Variants in CENPI observed in about 807,000 individuals in gnomAD.
CENPI encodes the protein centromere protein I.
A neutral mutation model predicts 60.4 loss-of-function variants in CENPI; 4 were observed. The observed-to-expected ratio is 0.07, with a 90% confidence interval of 0.03 to 0.15. The LOEUF is 0.15. Among genes scored for constraint, CENPI ranks in the 10% least tolerant of loss-of-function variants. The pLI is 1.00. For synonymous variants in CENPI, 157 were observed against 189.4 expected (o/e 0.83, Z 1.40); for missense variants, 444 against 534.5 (o/e 0.83, Z 1.67).
intron 5 of CENPI, 86 bp from the exon 6 acceptor site, chrX:101,109,805 C>T (rs1286708025): frequency 3.0e-6 from 2 of 659,785 alleles, no homozygotes; most frequent in African/African-American, 2.2e-5. Flanking sequence ...CTAAAATAGC[C>T]CTGGTGGCGG....
chrX:101,125,833 A>G (rs1304212616), intron 8 of CENPI, among the ~76,000 whole-genome samples: 1 of 111,901 alleles, frequency 8.9e-6, no homozygotes, highest in African/African-American at 3.2e-5. Context: ...CAAAAAAGAT[A>G]GTTTTAATTA....
chrX:101,177,137 A>G, the CENPI span, among the ~76,000 whole-genome samples: 1 of 111,538 alleles, frequency 9.0e-6, no homozygotes, highest in African/African-American at 3.3e-5. Flanking sequence ...GGGTGCCAGT[A>G]GTGGCAGTGG....
the CENPI span, among the ~76,000 whole-genome samples, chrX:101,171,715 C>G: frequency 8.9e-6 from 1 of 112,178 alleles, no homozygotes; most frequent in African/African-American, 3.2e-5. Flanking sequence ...GCGTGTGCCA[C>G]TATGCCTGGC....
At chrX:101,168,515 G>T (rs1341193601), downstream of CENPI, among the ~76,000 whole-genome samples, 1 of 111,644 alleles carries the variant, frequency 9.0e-6, no homozygotes, top group Admixed American at 9.6e-5. Context: ...GCAGTGAGCC[G>T]AGATCGCCCA....
intron 12 of CENPI, among the ~76,000 whole-genome samples, chrX:101,129,103 A>G (rs1023301296): frequency 5.4e-5 from 6 of 111,829 alleles, no homozygotes; most frequent in African/African-American, 1.6e-4. Context: ...TCATCTTTGT[A>G]TGTTCAGAAA....
the CENPI span, among the ~76,000 whole-genome samples, chrX:101,171,611 T>G: frequency 7.0e-5 from 7 of 99,657 alleles, no homozygotes; most frequent in African/African-American, 2.5e-4. Flanking sequence ...TAAATGAGTT[T>G]TTGTAGAAAC....
At chrX:101,100,210 G>A (rs985942048) in intron 2 of CENPI, 1 of 111,331 alleles carries the variant, frequency 9.0e-6, no homozygotes, top group African/African-American at 3.3e-5. Flanking sequence ...GCAAATAGAT[G>A]ACATTTAGTA....
chrX:101,173,522 A>G, the CENPI span, among the ~76,000 whole-genome samples: 3 of 109,139 alleles, frequency 2.7e-5, no homozygotes, highest in South Asian at 1.2e-3. Context: ...GATGTTTTAA[A>G]TAGAATTAGG....
At chrX:101,156,822 C>A (rs1326564991) in intron 20 of CENPI, among the ~76,000 whole-genome samples, 2 of 109,923 alleles carry the variant, frequency 1.8e-5, no homozygotes, top group African/African-American at 6.6e-5. Context: ...GCTGCAAATG[C>A]CATTAATTCA....
At chrX:101,145,548 T>C (rs1285704385) in intron 17 of CENPI, among the ~76,000 whole-genome samples, 2 of 109,983 alleles carry the variant, frequency 1.8e-5, no homozygotes, top group African/African-American at 6.6e-5. Flanking sequence ...GATCTCCATT[T>C]CTACCTTTCA....
chrX:101,109,688 G>T lies in CENPI; in HGVS notation c.483+97G>T, dbSNP rs776221703. 240 of 651,211 alleles carry T rather than the reference G, an allele frequency of 3.7e-4. No individual in the cohort carries two copies. Among genetic ancestry groups the T allele is most frequent in the Non-Finnish European group, 5.4e-4 (222 of 408,977 alleles). The allele number at this position is 651,211 out of a possible 1,213,427, so 53.7% of individuals were successfully genotyped here. Reference sequence around the variant, plus strand: ...TGAAGTAATGGCATTGGCCTTTTGTGCAAAGCCTGTAGTTTTGGAACAATA... The same window carrying T: ...TGAAGTAATGGCATTGGCCTTTTGTTCAAAGCCTGTAGTTTTGGAACAATA... On this transcript the variant is annotated intron_variant, in intron 5 of 21. Coordinates refer to ENST00000682095, the MANE Select transcript of CENPI (RefSeq NM_001386188.2).
At chrX:101,144,965 A>C (rs1402643363) in intron 16 of CENPI, 99 bp from the exon 17 acceptor site, 2 of 708,687 alleles carry the variant, frequency 2.8e-6, no homozygotes, top group African/African-American at 4.4e-5. Context: ...AGTTTTTAAA[A>C]TCCTCACCAA....
chrX:101,170,262 T>C (rs1218840578), downstream of CENPI, among the ~76,000 whole-genome samples: 2 of 112,367 alleles, frequency 1.8e-5, no homozygotes, highest in African/African-American at 6.5e-5. Context: ...TACAGTATTC[T>C]ATTCAGTACA....
Position 101,118,034 on chromosome X carries a change from G to GT in CENPI, c.592-2367dup, listed in dbSNP as rs1193218921. On this transcript the variant is annotated intron_variant, in intron 6 of 21. Coordinates refer to ENST00000682095, the MANE Select transcript of CENPI (RefSeq NM_001386188.2). ...TCATTGGAATTGAGGTCAGTAAACT[G>GT]TAAGACCACGGTGATTTGTTGATAT... 8.1e-5 allele frequency among the ~76,000 whole-genome samples: 9 copies of GT among 111,698 alleles called. No individual in the cohort carries two copies. The Admixed American group carries it at 8.6e-4, about 11-fold the overall frequency.
At chrX:101,133,784 C>T (rs898763902) in intron 15 of CENPI, among the ~76,000 whole-genome samples, 1 of 111,623 alleles carries the variant, frequency 9.0e-6, no homozygotes, top group Non-Finnish European at 1.9e-5. Context: ...CAGAAGGATA[C>T]GGACAAGAAA....
intron 11 of CENPI, among the ~76,000 whole-genome samples, 155 bp downstream of exon 11, chrX:101,127,820 T>C (rs1359894993): frequency 9.0e-6 from 1 of 111,671 alleles, no homozygotes; most frequent in Non-Finnish European, 1.9e-5. Flanking sequence ...CTTGAACTCC[T>C]GGGCTTATGT....
chrX:101,140,589 T>G lies in CENPI; in HGVS notation c.1471-77T>G, dbSNP rs1162372966. 1.9e-5 allele frequency: 14 copies of G among 719,031 alleles called. No homozygotes were observed. In the Admixed American group the frequency reaches 2.5e-4, roughly 13 times the overall value. 59.3% of individuals were successfully genotyped at this position (719,031 alleles called of 1,213,427 possible). On this transcript the variant is annotated intron_variant, in intron 15 of 21. Coordinates refer to ENST00000682095, the MANE Select transcript of CENPI (RefSeq NM_001386188.2). ...GGTCATCTCCATGGTCCTTTTCATC[T>G]CTAAGCCTCTGTTAGTTCTGAACAC...
At chrX:101,116,438 A>G (rs2089624324) in intron 6 of CENPI, among the ~76,000 whole-genome samples, 1 of 111,461 alleles carries the variant, frequency 9.0e-6, no homozygotes, top group African/African-American at 3.3e-5. Context: ...TGCATAGATT[A>G]TATGCAAGTA....
intron 6 of CENPI, among the ~76,000 whole-genome samples, chrX:101,115,784 T>C (rs776623872): frequency 1.8e-5 from 2 of 112,184 alleles, no homozygotes; most frequent in African/African-American, 6.5e-5. Flanking sequence ...AACTGAAATT[T>C]TCTAACCATT....
Sources: gnomAD v4.1 joint callset for allele counts (sites outside exome capture counted in the v4.1 genomes callset) on GRCh38, gnomAD v4.1.1 for gene constraint, MANE v1.5 for transcripts, NCBI Gene and HGNC (gene_info 2026-07-23, HGNC 2026-07-21) for gene names.